Variants in TTC3 observed in about 807,000 individuals in gnomAD.
The protein encoded by TTC3 is E3 ubiquitin-protein ligase TTC3.
In TTC3, 180 loss-of-function variants were observed where a neutral mutation model predicts 249.6. That is an observed-to-expected ratio of 0.72 (90% CI 0.64 to 0.82). The LOEUF (loss-of-function observed/expected upper bound fraction) is 0.82. Ranked by LOEUF, TTC3 falls within the 40% of genes least tolerant of loss-of-function variation. The probability of loss-of-function intolerance (pLI) is 0.00; values close to 1 mark genes in which losing one functional copy is unlikely to be tolerated. For missense variants in TTC3, 2,061 were observed against 2,398.4 expected, an observed-to-expected ratio of 0.86 and a Z score of 2.94; for synonymous variants, 717 against 805.0, an observed-to-expected ratio of 0.89 and a Z score of 1.85.
chr21:37,186,737 A>AT (rs2083332625), intron 37 of TTC3, among the ~76,000 whole-genome samples: 1 of 152,178 alleles, frequency 6.6e-6, no homozygotes, highest in Non-Finnish European at 1.5e-5. Context: ...TATACAGTTT[A>AT]TTAATGTCAC....
intron 34 of TTC3, among the ~76,000 whole-genome samples, chr21:37,170,172 A>C (rs1336236638): frequency 6.6e-6 from 1 of 152,244 alleles, no homozygotes; most frequent in African/African-American, 2.4e-5. Flanking sequence ...CAACAAATAC[A>C]TACACATACA....
intron 41 of TTC3, among the ~76,000 whole-genome samples, chr21:37,194,200 CCTT>C (rs1326392332): frequency 2.0e-5 from 3 of 152,230 alleles, no homozygotes; most frequent in East Asian, 1.9e-4. Context: ...AGGAGTCCCT[CCTT>C]CTTCATGGCT....
chr21:37,197,264 T>C (rs1244658375), intron 42 of TTC3, among the ~76,000 whole-genome samples: 1 of 151,906 alleles, frequency 6.6e-6, no homozygotes, highest in Non-Finnish European at 1.5e-5. Context: ...ACCAACATGG[T>C]GAAACCCCAT....
intron 26 of TTC3, among the ~76,000 whole-genome samples, chr21:37,152,392 GTT>G (rs1174425962): frequency 8.1e-6 from 1 of 123,448 alleles, no homozygotes. Flanking sequence ...TTTTTTTTTT[GTT>G]TTTTTTTTTT....
chr21:37,159,276 C>T (rs1601869218), intron 28 of TTC3, among the ~76,000 whole-genome samples: 1 of 150,014 alleles, frequency 6.7e-6, no homozygotes, highest in African/African-American at 2.5e-5. Context: ...CTCCTGTGGG[C>T]CTCTCCCTTG....
Position 37,094,102 on chromosome 21 carries a change from T to A in TTC3, c.687+12T>A. ...TGGATTGTATAGAGGTGAGAATGAA[T>A]ATTATAAATATATTTTAAGATTTGC... On this transcript the variant is annotated intron_variant, in intron 8 of 45. Transcript: ENST00000355666. 1.4e-6 allele frequency: 2 copies of A among 1,449,006 alleles called. No homozygotes were observed. The highest frequency in any genetic ancestry group is 1.9e-6 in the Non-Finnish European group (2 of 1,060,910). The allele number at this position is 1,449,006 out of a possible 1,614,324, so 89.8% of individuals were successfully genotyped here.
intron 40 of TTC3, 108 bp downstream of exon 40, chr21:37,191,532 TA>T (rs199899596): frequency 1.6e-5 from 10 of 637,458 alleles, no homozygotes; most frequent in Admixed American, 1.2e-4. Flanking sequence ...TTATTATCAA[TA>T]ATTTTTTTTG....
intron 11 of TTC3, among the ~76,000 whole-genome samples, chr21:37,118,608 A>T (rs1372035909): frequency 6.6e-6 from 1 of 152,220 alleles, no homozygotes; most frequent in Non-Finnish European, 1.5e-5. Context: ...TTTAAGTAGA[A>T]AAGGGAATTA....
At chr21:37,150,526 A>G (rs1040651206) in intron 24 of TTC3, among the ~76,000 whole-genome samples, 2 of 151,592 alleles carry the variant, frequency 1.3e-5, no homozygotes, top group African/African-American at 4.8e-5. Context: ...CTTTAACTTC[A>G]TGACATGGGA....
intron 21 of TTC3, among the ~76,000 whole-genome samples, chr21:37,145,898 A>T (rs144147306): frequency 1.3e-5 from 2 of 152,198 alleles, no homozygotes; most frequent in Non-Finnish European, 2.9e-5. Context: ...ATTCGTCGCC[A>T]TGACTCAAAA....
At chr21:37,154,903 G>T (rs1208319729) in intron 27 of TTC3, among the ~76,000 whole-genome samples, 1 of 152,114 alleles carries the variant, frequency 6.6e-6, no homozygotes, top group Non-Finnish European at 1.5e-5. Context: ...CACCGTGTTA[G>T]CCAGGATGGT....
intron 7 of TTC3, among the ~76,000 whole-genome samples, chr21:37,092,996 GTATT>G (rs1440209535): frequency 6.6e-6 from 1 of 152,032 alleles, no homozygotes; most frequent in African/African-American, 2.4e-5. Flanking sequence ...ACTTTTGAAA[GTATT>G]TATTTAAAAT....
intron 16 of TTC3, among the ~76,000 whole-genome samples, chr21:37,130,404 T>C (rs971599746): frequency 2.6e-5 from 4 of 152,334 alleles, no homozygotes; most frequent in African/African-American, 4.8e-5. Context: ...TAAAAAAAAT[T>C]TATTTTTCTG....
At chr21:37,088,302 A>G in exon 4 of TTC3, 11 of 1,613,698 alleles carry the variant, frequency 6.8e-6, no homozygotes, top group Non-Finnish European at 9.3e-6. Flanking sequence ...TTCAACATCA[A>G]AACAGTTCCG....
exon 19 of TTC3, chr21:37,138,635 A>G (rs1424044877): frequency 1.2e-6 from 2 of 1,610,738 alleles, no homozygotes; most frequent in Admixed American, 1.7e-5. Flanking sequence ...TATTGACAGC[A>G]ATTGAACCTG....
chr21:37,190,794 A>C (rs1261419779), intron 39 of TTC3, among the ~76,000 whole-genome samples: 1 of 152,240 alleles, frequency 6.6e-6, no homozygotes, highest in Non-Finnish European at 1.5e-5. Context: ...TACTATACCC[A>C]CAGATTGGTA....
At chr21:37,127,799 T>C (rs1213596136) in intron 15 of TTC3, among the ~76,000 whole-genome samples, 9 of 152,196 alleles carry the variant, frequency 5.9e-5, no homozygotes, top group African/African-American at 2.2e-4. Context: ...GTTAGTTCCA[T>C]AGATACAGCT....
chr21:37,095,137 A>ATG (rs57682889), intron 8 of TTC3, among the ~76,000 whole-genome samples: 10,419 of 147,514 alleles, frequency 0.071, 470 homozygotes, highest in Admixed American at 0.17. Flanking sequence ...CTCTAAAAAT[A>ATG]TGTGTGTGTG....
chr21:37,140,053 C>T (rs1904863950), intron 19 of TTC3, among the ~76,000 whole-genome samples: 1 of 151,972 alleles, frequency 6.6e-6, no homozygotes, highest in African/African-American at 2.4e-5. Context: ...TGAGAATATT[C>T]AAAAAAGAAT....
Sources: allele counts gnomAD v4.1 joint callset (sites outside exome capture counted in the v4.1 genomes callset), GRCh38; gene constraint gnomAD v4.1.1; transcripts MANE v1.5; gene names NCBI Gene and HGNC (gene_info 2026-07-23, HGNC 2026-07-21).